Variants in CADM2 observed in about 807,000 individuals in gnomAD.
CADM2 encodes immunoglobulin superfamily member 4D.
In CADM2, 12 loss-of-function variants were observed where a neutral mutation model predicts 49.8. The ratio of observed to expected loss-of-function variants is 0.24; its 90% CI spans 0.15 to 0.39. The LOEUF (loss-of-function observed/expected upper bound fraction) is 0.39. Among genes scored for constraint, CADM2 ranks in the 10% least tolerant of loss-of-function variants. The pLI is 1.00. For missense variants in CADM2, 378 were observed against 492.3 expected, an observed-to-expected ratio of 0.77 and a Z score of 2.20; for synonymous variants, 214 against 175.4, an observed-to-expected ratio of 1.22 and a Z score of -1.74.
At chr3:85,883,200 CA>C in intron 3 of CADM2, 90 bp from the exon 4 acceptor site, 2 of 978,650 alleles carry the variant, frequency 2.0e-6, no homozygotes, top group Non-Finnish European at 2.8e-6. Flanking sequence ...CCAAAGAAAA[CA>C]TTTATTGTAT....
intron 6 of CADM2, among the ~76,000 whole-genome samples, chr3:85,918,593 A>C (rs1718693017): frequency 6.6e-6 from 1 of 152,144 alleles, no homozygotes; most frequent in African/African-American, 2.4e-5. Flanking sequence ...AGTGTTCATC[A>C]AGGATATTGG....
At chr3:85,036,650 C>CT (rs1191617827) in intron 1 of CADM2, among the ~76,000 whole-genome samples, 28 of 152,196 alleles carry the variant, frequency 1.8e-4, no homozygotes, top group African/African-American at 6.7e-4. Context: ...AGAAGTAACT[C>CT]TATTATATCC....
At chr3:85,265,979 A>G (rs1025456365) in intron 1 of CADM2, among the ~76,000 whole-genome samples, 2 of 151,958 alleles carry the variant, frequency 1.3e-5, no homozygotes, top group African/African-American at 4.8e-5. Flanking sequence ...CTACCTTAAT[A>G]GAGCCAAAGT....
At chr3:85,179,164 T>G (rs1576053300) in intron 1 of CADM2, among the ~76,000 whole-genome samples, 1 of 152,074 alleles carries the variant, frequency 6.6e-6, no homozygotes, top group East Asian at 1.9e-4. Flanking sequence ...TGTTTGAATG[T>G]TTACCTGTGT....
chr3:85,769,326 TATATATACAC>T (rs1454144029), intron 2 of CADM2, among the ~76,000 whole-genome samples: 2 of 122,152 alleles, frequency 1.6e-5, no homozygotes, highest in African/African-American at 6.7e-5. Context: ...ACATATATAG[TATATATACAC>T]GTATATACAT....
In CADM2 at chr3:85,075,709, C is replaced by A. The variant is rs183318052; in HGVS notation, c.61+116041C>A. ...CTGATTTCTGATCAGGAATTTAAAT[C>A]CATGTTGTAAGTGAATCTCACAAAA... is the stretch of plus-strand genomic sequence containing the variant. On this transcript the variant is annotated intron_variant, in intron 1 of 9. Transcript: ENST00000383699. Among the ~76,000 whole-genome samples the A allele has an allele frequency of 9.2e-5, 14 of 152,166 alleles. No individual in the cohort carries two copies. The East Asian group carries it at 2.7e-3, about 29-fold the overall frequency.
At chr3:85,510,913 A>G (rs2040586098) in intron 1 of CADM2, among the ~76,000 whole-genome samples, 1 of 152,106 alleles carries the variant, frequency 6.6e-6, no homozygotes, top group Non-Finnish European at 1.5e-5. Context: ...ATGAGGGTTC[A>G]TAAGCTCTAG....
intron 1 of CADM2, among the ~76,000 whole-genome samples, chr3:85,309,904 A>T (rs1559772129): frequency 6.6e-6 from 1 of 152,222 alleles, no homozygotes; most frequent in Non-Finnish European, 1.5e-5. Flanking sequence ...GCAAGAAATG[A>T]CCATATGAAG....
At chr3:85,791,869 G>A (rs548627031) in intron 2 of CADM2, among the ~76,000 whole-genome samples, 38 of 152,070 alleles carry the variant, frequency 2.5e-4, no homozygotes, top group Middle Eastern at 3.4e-3. Flanking sequence ...GACTACAGGC[G>A]CCCTCCACAC....
chr3:85,973,163 G>A (rs1726354536), intron 8 of CADM2, among the ~76,000 whole-genome samples: 1 of 151,594 alleles, frequency 6.6e-6, no homozygotes, highest in African/African-American at 2.4e-5. Context: ...TGATACTATT[G>A]CCTATCTACT....
chr3:85,852,624 C>T (rs901875444), intron 3 of CADM2, among the ~76,000 whole-genome samples: 1 of 151,962 alleles, frequency 6.6e-6, no homozygotes, highest in Non-Finnish European at 1.5e-5. Flanking sequence ...AGAATATACA[C>T]AAATGTGAAG....
intron 1 of CADM2, among the ~76,000 whole-genome samples, chr3:85,648,042 A>G (rs996826538): frequency 2.6e-5 from 4 of 151,710 alleles, no homozygotes; most frequent in Non-Finnish European, 5.9e-5. Flanking sequence ...CATCTTGCCC[A>G]TTAAGAAACT....
intron 1 of CADM2, among the ~76,000 whole-genome samples, chr3:85,404,698 C>T (rs905386068): frequency 3.9e-5 from 6 of 152,140 alleles, no homozygotes; most frequent in Middle Eastern, 6.8e-3. Flanking sequence ...GTGGGGATAT[C>T]TGTTAGAATA....
intron 5 of CADM2, among the ~76,000 whole-genome samples, chr3:85,898,065 G>T (rs1337974799): frequency 6.6e-6 from 1 of 152,086 alleles, no homozygotes; most frequent in African/African-American, 2.4e-5. Flanking sequence ...TTAAATGTGG[G>T]TATGTATATC....
chr3:86,028,284 T>C (rs1370226722), intron 8 of CADM2, among the ~76,000 whole-genome samples: 1 of 151,628 alleles, frequency 6.6e-6, no homozygotes, highest in African/African-American at 2.4e-5. Flanking sequence ...TTGCAATTCC[T>C]ATTGCAAAGG....
chr3:85,355,066 A>G (rs1273143048), intron 1 of CADM2, among the ~76,000 whole-genome samples: 1 of 151,972 alleles, frequency 6.6e-6, no homozygotes, highest in East Asian at 1.9e-4. Context: ...TTCAAAAGGT[A>G]AGGTAGAGGT....
chr3:84,986,118 T>C (rs2032535474), intron 1 of CADM2, among the ~76,000 whole-genome samples: 1 of 152,176 alleles, frequency 6.6e-6, no homozygotes, highest in African/African-American at 2.4e-5. Flanking sequence ...AAACACCAGA[T>C]TGAAATGAAA....
intron 1 of CADM2, among the ~76,000 whole-genome samples, chr3:85,460,849 A>T (rs189782498): frequency 6.6e-6 from 1 of 151,980 alleles, no homozygotes; most frequent in Non-Finnish European, 1.5e-5. Flanking sequence ...TATTTGCCCC[A>T]TGGAAGCTCT....
chr3:85,437,273 G>A (rs537381590), intron 1 of CADM2, among the ~76,000 whole-genome samples: 2 of 152,114 alleles, frequency 1.3e-5, no homozygotes, highest in African/African-American at 2.4e-5. Flanking sequence ...CATCTTAATC[G>A]CTTCTAAGTT....
Sources: allele counts gnomAD v4.1 joint callset (sites outside exome capture counted in the v4.1 genomes callset), GRCh38; gene constraint gnomAD v4.1.1; transcripts MANE v1.5; gene names NCBI Gene and HGNC (gene_info 2026-07-23, HGNC 2026-07-21).